Variants in CCDC85A observed in about 807,000 individuals in gnomAD.
CCDC85A encodes the protein coiled-coil domain containing 85A.
Under a neutral mutation model 50.2 loss-of-function variants are expected in CCDC85A, and 38 were observed. That is an observed-to-expected ratio of 0.76 (90% confidence interval 0.58 to 0.99). CCDC85A has a LOEUF of 0.99. CCDC85A is among the 50% of genes least tolerant of loss of function. CCDC85A has a pLI of 0.00. For synonymous variants in CCDC85A, 366 were observed against 301.4 expected, an observed-to-expected ratio of 1.21 and a Z score of -2.22; for missense variants, 820 against 742.0, an observed-to-expected ratio of 1.11 and a Z score of -1.22.
At chr2:56,242,279 C>T (rs1669296417) in intron 2 of CCDC85A, among the ~76,000 whole-genome samples, 1 of 151,678 alleles carries the variant, frequency 6.6e-6, no homozygotes, top group Non-Finnish European at 1.5e-5. Context: ...GCTATAAATA[C>T]CTGAGACTGG....
chr2:56,192,353 C>T lies in CCDC85A; in HGVS notation c.277-124C>T. The T allele has an allele frequency of 7.3e-7, 1 of 1,379,120 alleles. No homozygotes were observed. The allele number at this position is 1,379,120 out of a possible 1,614,324, so 85.4% of individuals were successfully genotyped here. ...ACAAATCTTCAGCTTCCTCCTACTC[C>T]CTCACCTCCTCCCCTAACCTCACAG... On this transcript the variant is annotated intron_variant, in intron 1 of 5. Coordinates refer to ENST00000407595, the MANE Select transcript of CCDC85A (RefSeq NM_001080433.2). The surrounding 1 kb of genome is among the most constrained non-coding windows in gnomAD (Gnocchi z 4.7).
intron 2 of CCDC85A, among the ~76,000 whole-genome samples, chr2:56,291,016 C>G (rs1171203661): frequency 6.6e-6 from 1 of 152,136 alleles, no homozygotes; most frequent in African/African-American, 2.4e-5. Flanking sequence ...CCATGTAACT[C>G]TTTTGGGGGA....
upstream of CCDC85A, chr2:56,183,956 GCTC>G (rs920934658): frequency 6.1e-6 from 6 of 985,334 alleles, no homozygotes; most frequent in African/African-American, 1.7e-5. Context: ...CCAGCTCCAG[GCTC>G]CTCCTCCAGC....
rs889251421 is a variant in CCDC85A at position 56,384,576 on chromosome 2, A to C, written c.*221A>C. 5 of 466,122 alleles carry C rather than the reference A, an allele frequency of 1.1e-5. No homozygotes were observed. Among genetic ancestry groups the C allele is most frequent in the African/African-American group, 1.9e-5 (1 of 51,454 alleles). 28.9% of individuals were successfully genotyped at this position (466,122 alleles called of 1,614,324 possible). A position where few individuals can be genotyped will look rare whatever the true frequency, so the allele number is the denominator to read the frequency against. ...ATGTCCACAACAGTCAATCTCAAACAAGGTAGCTTTGAACATCTCAAACAG... is the reference window on the plus strand; with the variant it reads ...ATGTCCACAACAGTCAATCTCAAACCAGGTAGCTTTGAACATCTCAAACAG... On this transcript the variant is annotated 3_prime_UTR_variant, in exon 6 of 6. Coordinates refer to ENST00000407595, the MANE Select transcript of CCDC85A (RefSeq NM_001080433.2).
At chr2:56,236,860 CA>C (rs1669038546) in intron 2 of CCDC85A, among the ~76,000 whole-genome samples, 1 of 152,090 alleles carries the variant, frequency 6.6e-6, no homozygotes, top group African/African-American at 2.4e-5. Flanking sequence ...CCTGAATACC[CA>C]AATGATGCTG....
At chr2:56,187,149 G>A (rs7586767) in intron 1 of CCDC85A, among the ~76,000 whole-genome samples, 70,980 of 151,980 alleles carry the variant, frequency 0.47, 16,878 homozygotes, top group African/African-American at 0.53. Flanking sequence ...AATAAATGAT[G>A]GGTACATATA....
chr2:56,276,035 G>C (rs2104082819), intron 2 of CCDC85A, among the ~76,000 whole-genome samples: 1 of 152,268 alleles, frequency 6.6e-6, no homozygotes, highest in Non-Finnish European at 1.5e-5. Context: ...GCTCAAGAAA[G>C]AAGGATTTCA....
chr2:56,247,103 T>C (rs1395000643), intron 2 of CCDC85A, among the ~76,000 whole-genome samples: 1 of 152,212 alleles, frequency 6.6e-6, no homozygotes. Context: ...GTGGTTATGC[T>C]ATAGTGCAGG....
At chr2:56,200,490 T>C (rs1676689140) in intron 2 of CCDC85A, among the ~76,000 whole-genome samples, 1 of 152,190 alleles carries the variant, frequency 6.6e-6, no homozygotes, top group Non-Finnish European at 1.5e-5. Flanking sequence ...AGCTCTAATT[T>C]ATAAGTCTCT....
intron 2 of CCDC85A, among the ~76,000 whole-genome samples, chr2:56,224,389 C>T (rs1300877901): frequency 6.6e-6 from 1 of 152,154 alleles, no homozygotes; most frequent in Non-Finnish European, 1.5e-5. Context: ...GTTGCTTTCA[C>T]TTTTGGCTGT....
chr2:56,346,711 A>C (rs1674649339), intron 3 of CCDC85A, among the ~76,000 whole-genome samples: 1 of 152,262 alleles, frequency 6.6e-6, no homozygotes, highest in Admixed American at 6.5e-5. Context: ...ATGCCTCTTC[A>C]AAGTTAGTAC....
intron 2 of CCDC85A, among the ~76,000 whole-genome samples, chr2:56,331,009 T>C (rs966442215): frequency 2.0e-5 from 3 of 151,560 alleles, no homozygotes; most frequent in Non-Finnish European, 4.4e-5. Context: ...AAAGGAAATG[T>C]GGTATATGTA....
chr2:56,371,379 G>A (rs192626980), intron 3 of CCDC85A, among the ~76,000 whole-genome samples: 224 of 151,944 alleles, frequency 1.5e-3, no homozygotes, highest in Non-Finnish European at 2.7e-3. Flanking sequence ...GATATAGGCC[G>A]CTAACTTCAA....
chr2:56,239,991 A>AT (rs1014292638), intron 2 of CCDC85A, among the ~76,000 whole-genome samples: 1 of 151,988 alleles, frequency 6.6e-6, no homozygotes, highest in African/African-American at 2.4e-5. Context: ...CCAAGTTTGA[A>AT]TTTTTTTTCA....
intron 2 of CCDC85A, among the ~76,000 whole-genome samples, chr2:56,287,316 A>G (rs547412771): frequency 5.9e-5 from 9 of 152,164 alleles, no homozygotes; most frequent in African/African-American, 2.2e-4. Context: ...GCGAGCTTCA[A>G]TTTGCATCTC....
At chr2:56,234,398 T>C (rs941624788) in intron 2 of CCDC85A, among the ~76,000 whole-genome samples, 1 of 152,198 alleles carries the variant, frequency 6.6e-6, no homozygotes, top group Non-Finnish European at 1.5e-5. Context: ...ACTCAGTGAA[T>C]AGCCCTTGAA....
At chr2:56,301,233 A>G (rs186633014) in intron 2 of CCDC85A, among the ~76,000 whole-genome samples, 233 of 152,256 alleles carry the variant, frequency 1.5e-3, no homozygotes, top group Middle Eastern at 6.8e-3. Context: ...AGTGGTCACT[A>G]AATATGTTGT....
At position 56,193,047 on chromosome 2, in the gene CCDC85A, A is replaced by G. The variant is rs1326336780; in HGVS notation, c.847A>G (p.Lys283Glu). The change falls in exon 2 of 6, where the codon AAA becomes GAA. Residue 283 changes from lysine to glutamate, a missense_variant. Transcript: ENST00000407595. ...ALKGPSPEHHKPLCKGSPEQQ... is the reference protein window; with the variant it reads ...ALKGPSPEHHEPLCKGSPEQQ... ...CAAAGGACCTAGCCCGGAGCACCAC[A>G]AACCCTTGTGCAAGGGCAGCCCCGA... 1.2e-6 allele frequency: 2 copies of G among 1,613,890 alleles called. No homozygotes were observed. The highest frequency in any genetic ancestry group is 2.2e-5 in the South Asian group (2 of 91,076).
At chr2:56,189,236 A>G (rs1017073242) in intron 1 of CCDC85A, among the ~76,000 whole-genome samples, 13 of 151,744 alleles carry the variant, frequency 8.6e-5, no homozygotes, top group African/African-American at 3.2e-4. Flanking sequence ...TTCCCTGGCA[A>G]AGGAAAGGTG....
Sources: gnomAD v4.1 joint callset for allele counts (sites outside exome capture counted in the v4.1 genomes callset) on GRCh38, gnomAD v4.1.1 for gene constraint, Gnocchi (gnomAD v3.1) non-coding constraint, MANE v1.5 for transcripts, NCBI Gene and HGNC (gene_info 2026-07-23, HGNC 2026-07-21) for gene names.